The following CCDC171 variants were observed in gnomAD, a reference collection of about 807,000 sequenced individuals.
CCDC171 encodes the protein coiled-coil domain-containing protein 171.
CCDC171 carries 177 observed loss-of-function variants against 168.2 expected under a neutral mutation model. The observed-to-expected ratio is 1.05, with a 90% confidence interval of 0.93 to 1.19. The LOEUF (loss-of-function observed/expected upper bound fraction) is 1.19, where lower values mean the gene tolerates loss of function less well. CCDC171 is among the 50% of genes most tolerant of loss of function. CCDC171 has a pLI of 0.00. For synonymous variants in CCDC171, 687 were observed against 540.8 expected (o/e 1.27, Z -3.75); for missense variants, 1,991 against 1,539.0 (o/e 1.29, Z -4.91).
At chr9:15,968,593 T>G (rs898106855) in intron 25 of CCDC171, among the ~76,000 whole-genome samples, 3 of 141,308 alleles carry the variant, frequency 2.1e-5, no homozygotes, top group Non-Finnish European at 4.5e-5. Flanking sequence ...CAGGCTGGAG[T>G]GCAGTGTGCA....
chr9:15,608,045 C>A (rs2043350333), intron 6 of CCDC171, among the ~76,000 whole-genome samples: 1 of 152,190 alleles, frequency 6.6e-6, no homozygotes, highest in South Asian at 2.1e-4. Context: ...CAAGGCTGCA[C>A]AGGGCATTGC....
At chr9:15,623,462 T>TCCGCGCGCGCGCGC in intron 7 of CCDC171, 49 bp downstream of exon 7, 1 of 486,744 alleles carries the variant, frequency 2.1e-6, no homozygotes, top group Non-Finnish European at 3.1e-6. Context: ...AACTTTCACA[T>TCCGCGCGCGCGCGC]ATGCGCGCGC....
At chr9:15,718,460 C>T (rs1456159613) in intron 11 of CCDC171, among the ~76,000 whole-genome samples, 2 of 152,206 alleles carry the variant, frequency 1.3e-5, no homozygotes, top group Non-Finnish European at 2.9e-5. Context: ...TATTGTAGAG[C>T]CCTAGGGCCT....
At chr9:15,742,083 T>C (rs1377933049) in intron 16 of CCDC171, among the ~76,000 whole-genome samples, 1 of 152,074 alleles carries the variant, frequency 6.6e-6, no homozygotes, top group African/African-American at 2.4e-5. Flanking sequence ...TTTTCTTTTT[T>C]TTCTCTAATT....
At chr9:15,607,210 G>C (rs2043292492) in intron 6 of CCDC171, among the ~76,000 whole-genome samples, 1 of 152,052 alleles carries the variant, frequency 6.6e-6, no homozygotes, top group East Asian at 1.9e-4. Context: ...ATGCTACCTA[G>C]ATCATGTTAG....
chr9:15,997,363 G>T (rs1049934820), intron 3 of CCDC171, among the ~76,000 whole-genome samples: 3 of 152,222 alleles, frequency 2.0e-5, no homozygotes, highest in African/African-American at 4.8e-5. Context: ...CATGGCCCCA[G>T]CTCCTACACT....
chr9:16,000,422 G>A (rs1397204572), intron 3 of CCDC171, among the ~76,000 whole-genome samples: 1 of 152,094 alleles, frequency 6.6e-6, no homozygotes, highest in Non-Finnish European at 1.5e-5. Flanking sequence ...AAGTGTAGGT[G>A]AGAACTCTTT....
chr9:15,646,296 C>T (rs1422205714), intron 7 of CCDC171, among the ~76,000 whole-genome samples: 1 of 152,080 alleles, frequency 6.6e-6, no homozygotes, highest in Non-Finnish European at 1.5e-5. Flanking sequence ...CAAAAATATG[C>T]CAAATTGTAA....
In CCDC171 at chr9:15,553,954, T is replaced by C. The variant is rs369185710; in HGVS notation, c.-112+652T>C. ...TTATTAGAGTTGGTGTCCAGCTCTT[T>C]TGAATACATGACATACCGATGTTTT... On this transcript the variant is annotated intron_variant, in intron 1 of 25. Coordinates refer to ENST00000380701, the MANE Select transcript of CCDC171 (RefSeq NM_173550.4). 4.4e-3 allele frequency among the ~76,000 whole-genome samples: 663 copies of C among 152,308 alleles called. 9 individuals carry two copies. Among genetic ancestry groups the C allele is most frequent in the African/African-American group, 0.015 (608 of 41,582 alleles).
chr9:15,889,509 T>C (rs941007398), intron 24 of CCDC171, among the ~76,000 whole-genome samples: 1 of 152,162 alleles, frequency 6.6e-6, no homozygotes, highest in Non-Finnish European at 1.5e-5. Context: ...AGGAATTGTG[T>C]AGTATTTTAT....
At chr9:16,072,418 T>C in the CCDC171 span, among the ~76,000 whole-genome samples, 1 of 152,200 alleles carries the variant, frequency 6.6e-6, no homozygotes, top group Non-Finnish European at 1.5e-5. Flanking sequence ...CTCTGTTTCA[T>C]GCCACAGTCA....
intron 1 of CCDC171, among the ~76,000 whole-genome samples, chr9:15,560,343 C>G (rs1390249192): frequency 1.3e-5 from 2 of 152,280 alleles, no homozygotes; most frequent in South Asian, 2.1e-4. Context: ...GTTCCATTCT[C>G]CCCGTCACTT....
intron 11 of CCDC171, among the ~76,000 whole-genome samples, chr9:15,705,943 C>G (rs2052185428): frequency 6.6e-6 from 1 of 152,152 alleles, no homozygotes; most frequent in African/African-American, 2.4e-5. Context: ...ATCATGGAAT[C>G]TCTTTCTAAA....
At chr9:15,655,519 C>T (rs1234970054) in intron 7 of CCDC171, among the ~76,000 whole-genome samples, 7 of 152,192 alleles carry the variant, frequency 4.6e-5, no homozygotes, top group Non-Finnish European at 8.8e-5. Flanking sequence ...ACTTCTGCTT[C>T]TGTCCAGAAA....
At chr9:16,016,049 G>A (rs1833005650) in intron 3 of CCDC171, among the ~76,000 whole-genome samples, 2 of 152,046 alleles carry the variant, frequency 1.3e-5, no homozygotes, top group Non-Finnish European at 2.9e-5. Flanking sequence ...TCCACCTTTG[G>A]CTATTGTGAA....
intron 1 of CCDC171, among the ~76,000 whole-genome samples, chr9:15,562,952 A>G (rs909214025): frequency 1.3e-5 from 2 of 152,050 alleles, no homozygotes; most frequent in African/African-American, 4.8e-5. Flanking sequence ...TTTGGGCAAG[A>G]CAGTTGAGCG....
chr9:15,871,278 A>G (rs75281226), intron 23 of CCDC171, among the ~76,000 whole-genome samples: 133 of 151,920 alleles, frequency 8.8e-4, no homozygotes, highest in African/African-American at 3.0e-3. Context: ...AAAACATTGT[A>G]TACATGTATT....
chr9:15,735,827 A>C (rs1201662400), intron 16 of CCDC171, among the ~76,000 whole-genome samples: 4 of 152,200 alleles, frequency 2.6e-5, no homozygotes, highest in Non-Finnish European at 4.4e-5. Flanking sequence ...ATAGACTGTG[A>C]GTCCATGGGA....
At chr9:15,787,965 T>G (rs7865391) in intron 21 of CCDC171, among the ~76,000 whole-genome samples, 1 of 152,206 alleles carries the variant, frequency 6.6e-6, no homozygotes, top group Admixed American at 6.5e-5. Context: ...TCTTTGTCAT[T>G]TTGAAGTCTT....
Sources: gnomAD v4.1 joint callset for allele counts (sites outside exome capture counted in the v4.1 genomes callset) on GRCh38, gnomAD v4.1.1 for gene constraint, MANE v1.5 for transcripts, NCBI Gene and HGNC (gene_info 2026-07-23, HGNC 2026-07-21) for gene names.